Variants in TXNDC5 observed in about 807,000 individuals in gnomAD.
TXNDC5 encodes the protein thioredoxin domain-containing protein 5.
TXNDC5 carries 44 observed loss-of-function variants against 52.6 expected under a neutral mutation model. That is an observed-to-expected ratio of 0.84 (90% confidence interval 0.66 to 1.08). TXNDC5 has a LOEUF of 1.08. Ranked by LOEUF, TXNDC5 falls within the 50% of genes least tolerant of loss-of-function variation. The probability of loss-of-function intolerance (pLI) is 0.00; values close to 1 mark genes in which losing one functional copy is unlikely to be tolerated. For synonymous variants in TXNDC5, 241 were observed against 234.4 expected, an observed-to-expected ratio of 1.03 and a Z score of -0.26; for missense variants, 600 against 565.5, an observed-to-expected ratio of 1.06 and a Z score of -0.62.
chr6:7,907,321 G>C (rs1293666918), intron 1 of TXNDC5, among the ~76,000 whole-genome samples: 1 of 152,202 alleles, frequency 6.6e-6, no homozygotes, highest in African/African-American at 2.4e-5. Flanking sequence ...GTGCTATCTA[G>C]TCGGCCCTGC....
At chr6:7,886,152 C>T (rs371988662) in intron 7 of TXNDC5, 109 bp from the exon 8 acceptor site, 57 of 885,478 alleles carry the variant, frequency 6.4e-5, no homozygotes, top group Middle Eastern at 4.4e-4. Flanking sequence ...AATGCAGTTA[C>T]GTAGGCTCCA....
intron 1 of TXNDC5, among the ~76,000 whole-genome samples, chr6:7,909,568 G>T (rs547534157): frequency 1.4e-4 from 22 of 152,318 alleles, no homozygotes; most frequent in African/African-American, 5.3e-4. Context: ...CAACGGAGGG[G>T]CTTTTCCGAT....
At chr6:7,899,704 G>C in intron 2 of TXNDC5, 23 bp from the exon 3 acceptor site, 1 of 1,592,090 alleles carries the variant, frequency 6.3e-7, no homozygotes, top group Non-Finnish European at 8.6e-7. Context: ...CAAAGGATTA[G>C]ACAGAGCAAA....
At chr6:7,898,139 C>T (rs965913859) in intron 3 of TXNDC5, among the ~76,000 whole-genome samples, 1 of 152,076 alleles carries the variant, frequency 6.6e-6, no homozygotes, top group Non-Finnish European at 1.5e-5. Flanking sequence ...CGCCTCACTG[C>T]AACCTCTGCC....
chr6:7,887,803 G>A (rs1189508179), intron 7 of TXNDC5, among the ~76,000 whole-genome samples: 2 of 151,998 alleles, frequency 1.3e-5, no homozygotes, highest in African/African-American at 4.8e-5. Context: ...GTCTCCCACT[G>A]TGTTCCCCCA....
rs1156571821 is a variant in TXNDC5 at position 7,910,713 on chromosome 6, G to GCAGCGC, written c.58_63dup (p.Ala20_Leu21dup). The GCAGCGC allele has an allele frequency of 9.3e-7, 1 of 1,070,388 alleles. No individual in the cohort carries two copies. Among genetic ancestry groups the GCAGCGC allele is most frequent in the Non-Finnish European group, 1.1e-6 (1 of 888,354 alleles). 66.3% of individuals were successfully genotyped at this position (1,070,388 alleles called of 1,614,324 possible). ...CCGCCATGGCCCAGCAGCAGCAGCAGCAGCGCAGTCAGGGCCGCCGGCCGG... is the reference window on the plus strand; with the variant it reads ...CCGCCATGGCCCAGCAGCAGCAGCAGCAGCGCCAGCGCAGTCAGGGCCGCCGGCCGG... On this transcript the variant is annotated inframe_insertion, in exon 1 of 10. Transcript: ENST00000379757.
intron 2 of TXNDC5, among the ~76,000 whole-genome samples, chr6:7,904,172 ATACT>A (rs1304243911): frequency 9.9e-5 from 15 of 152,242 alleles, no homozygotes; most frequent in African/African-American, 3.6e-4. Flanking sequence ...GTCAGACTCT[ATACT>A]TTCTTTCCAA....
intron 4 of TXNDC5, chr6:7,894,623 A>T: frequency 1.3e-6 from 1 of 747,868 alleles, no homozygotes; most frequent in Non-Finnish European, 1.6e-6. Flanking sequence ...CTACAGCATT[A>T]CTTCTTTAAA....
chr6:7,888,623 GA>G, intron 7 of TXNDC5, 81 bp downstream of exon 7: 1 of 1,503,230 alleles, frequency 6.7e-7, no homozygotes, highest in Non-Finnish European at 8.9e-7. Context: ...CAAAGCATTT[GA>G]GGAGGCCTCT....
intron 5 of TXNDC5, among the ~76,000 whole-genome samples, chr6:7,891,305 G>A (rs912547107): frequency 3.9e-5 from 6 of 152,098 alleles, no homozygotes; most frequent in East Asian, 1.9e-4. Context: ...CTCCAAGTTC[G>A]TCCAGTGAAC....
chr6:7,904,666 G>A lies in TXNDC5; in HGVS notation c.321C>T (p.Asn107=). The A allele has an allele frequency of 3.1e-6, 5 of 1,614,236 alleles. No homozygotes were observed. Among genetic ancestry groups the A allele is most frequent in the Non-Finnish European group, 4.2e-6 (5 of 1,180,048 alleles). The change falls in exon 2 of 10, where the codon AAC becomes AAT. Residue 107 remains asparagine, a synonymous_variant. Coordinates refer to ENST00000379757, the MANE Select transcript of TXNDC5 (RefSeq NM_030810.5). The stretch of plus-strand genomic sequence containing the variant: ...CATAGACTTTGGCATCTTCCATGCT[G>A]TTGTATTTGTCTCCCAGGTCATTCC... The part of the protein sequence containing the change: ...PTWNDLGDKY[N]SMEDAKVYVA...
intron 3 of TXNDC5, among the ~76,000 whole-genome samples, chr6:7,898,370 T>C (rs1365470519): frequency 2.0e-5 from 3 of 152,156 alleles, no homozygotes; most frequent in Non-Finnish European, 4.4e-5. Context: ...TGAGAGAGTC[T>C]TTGCAGGTGA....
At chr6:7,898,109 G>GCACTC (rs1760437475) in intron 3 of TXNDC5, among the ~76,000 whole-genome samples, 1 of 151,864 alleles carries the variant, frequency 6.6e-6, no homozygotes, top group Non-Finnish European at 1.5e-5. Flanking sequence ...TGCATAGGCT[G>GCACTC]GAGTGCAGTG....
At chr6:7,888,265 T>C (rs1321041155) in intron 7 of TXNDC5, among the ~76,000 whole-genome samples, 1 of 152,184 alleles carries the variant, frequency 6.6e-6, no homozygotes. Context: ...GGATGCCCTC[T>C]TGGCTACAGG....
intron 1 of TXNDC5, among the ~76,000 whole-genome samples, chr6:7,908,319 C>CTAATTATT: frequency 6.8e-6 from 1 of 147,342 alleles, no homozygotes; most frequent in African/African-American, 2.5e-5. Context: ...CAACATAAAG[C>CTAATTATT]TAATTATTCT....
chr6:7,897,141 G>A (rs1259047947), intron 3 of TXNDC5, among the ~76,000 whole-genome samples: 1 of 151,932 alleles, frequency 6.6e-6, no homozygotes, highest in East Asian at 1.9e-4. Context: ...AAATCCACAT[G>A]ATAAAATAAT....
rs776616422 is a variant in TXNDC5 at position 7,891,660 on chromosome 6, A to T, written c.693T>A (p.Ala231=). 1 of 1,614,072 alleles carries T rather than the reference A, an allele frequency of 6.2e-7. No individual in the cohort carries two copies. The highest frequency in any genetic ancestry group is 1.1e-5 in the South Asian group (1 of 91,076). ...CAGTTTCGGAATGTTCAAGGCCCAG[A>T]GCCAGCTGCTCCCAGGTTGGAGCCA... ...KALAPTWEQL[A]LGLEHSETVK... The change falls in exon 5 of 10, where the codon GCT becomes GCA. Residue 231 remains alanine, a synonymous_variant. Coordinates refer to ENST00000379757, the MANE Select transcript of TXNDC5 (RefSeq NM_030810.5).
intron 3 of TXNDC5, among the ~76,000 whole-genome samples, chr6:7,897,085 T>A (rs913162569): frequency 6.6e-6 from 1 of 152,170 alleles, no homozygotes; most frequent in Non-Finnish European, 1.5e-5. Context: ...GGAAAAGGTA[T>A]AAATAACCTA....
intron 4 of TXNDC5, among the ~76,000 whole-genome samples, chr6:7,894,497 G>A: frequency 6.6e-6 from 1 of 151,962 alleles, no homozygotes; most frequent in Middle Eastern, 3.2e-3. Flanking sequence ...AGATACTGTG[G>A]GTTTGGTTCC....
Sources: allele counts gnomAD v4.1 joint callset (sites outside exome capture counted in the v4.1 genomes callset), GRCh38; gene constraint gnomAD v4.1.1; transcripts MANE v1.5; gene names NCBI Gene and HGNC (gene_info 2026-07-23, HGNC 2026-07-21).